ZNF577: variants seen among roughly 807,000 people sequenced by gnomAD.
The protein encoded by ZNF577 is zinc finger protein 577.
Under a neutral mutation model 13.9 loss-of-function variants are expected in ZNF577, and 14 were observed. The ratio of observed to expected loss-of-function variants is 1.00; its 90% CI spans 0.66 to 1.57. The LOEUF is 1.57. ZNF577 is among the 40% of genes most tolerant of loss of function. The probability of loss-of-function intolerance (pLI) is 0.00; values close to 1 mark genes in which losing one functional copy is unlikely to be tolerated. For missense variants in ZNF577, 555 were observed against 579.2 expected, an observed-to-expected ratio of 0.96 and a Z score of 0.43; for synonymous variants, 203 against 202.9, an observed-to-expected ratio of 1.00 and a Z score of 0.00.
At chr19:51,857,927 C>T (rs1317168051) in intron 5 of ZNF577, among the ~76,000 whole-genome samples, 1 of 152,122 alleles carries the variant, frequency 6.6e-6, no homozygotes, top group Non-Finnish European at 1.5e-5. Flanking sequence ...TCCAAAGGAT[C>T]CACCTGTAAT....
chr19:51,879,046 G>A (rs1217885949), intron 3 of ZNF577, among the ~76,000 whole-genome samples: 1 of 150,628 alleles, frequency 6.6e-6, no homozygotes, highest in South Asian at 2.1e-4. Context: ...TCACAAAGTC[G>A]GGAGATTAAG....
intron 9 of ZNF577, chr19:51,826,028 G>A (rs2084230062): frequency 6.0e-6 from 1 of 165,568 alleles, no homozygotes; most frequent in East Asian, 1.9e-4. Flanking sequence ...TTCTTTTATT[G>A]TTTAAATCAT....
intron 10 of ZNF577, among the ~76,000 whole-genome samples, chr19:51,810,990 A>G (rs1029270534): frequency 6.6e-6 from 1 of 152,214 alleles, no homozygotes; most frequent in Admixed American, 6.5e-5. Flanking sequence ...TGTTTCTGCA[A>G]CTGGAGGAGG....
chr19:51,873,773 T>C, intron 5 of ZNF577, 67 bp from the exon 6 acceptor site: 1 of 1,201,004 alleles, frequency 8.3e-7, no homozygotes, highest in Non-Finnish European at 1.1e-6. Flanking sequence ...AAAGGAACAA[T>C]GCTCTTACAT....
intron 5 of ZNF577, among the ~76,000 whole-genome samples, chr19:51,859,803 ATT>A (rs1389373671): frequency 2.0e-5 from 3 of 152,108 alleles, no homozygotes; most frequent in Non-Finnish European, 4.4e-5. Context: ...ATTATTCAAC[ATT>A]TTGTCTTATG....
chr19:51,806,959 G>A (rs527360841), intron 10 of ZNF577, among the ~76,000 whole-genome samples: 25 of 152,286 alleles, frequency 1.6e-4, no homozygotes, highest in South Asian at 1.2e-3. Flanking sequence ...AACATCGGGC[G>A]TAGCCAATTA....
At position 51,873,699 on chromosome 19, in the gene ZNF577, T is replaced by A. The variant is rs8107969; in HGVS notation, c.291A>T (p.Val97=). 642,136 of 1,597,732 alleles carry A rather than the reference T, an allele frequency of 0.4. 135,640 individuals are homozygous for A. The highest frequency in any genetic ancestry group is 0.65 in the African/African-American group (48,005 of 74,258). The change falls in exon 6 of 6, where the codon GTA becomes GTT. Residue 97 remains valine (V), a synonymous_variant. Coordinates refer to ENST00000638348, the MANE Select transcript of ZNF577 (RefSeq NM_001370449.1). ...TTCCTGCATATCTTCTACTCTGGAT[T>A]ACAAAACCTAAATGAGATTTCAAAC... The part of the protein sequence containing the change: ...AAHSQICPGF[V]IQSRRYAGKD...
intron 9 of ZNF577, among the ~76,000 whole-genome samples, chr19:51,822,511 G>A (rs2084197912): frequency 6.6e-6 from 1 of 152,182 alleles, no homozygotes; most frequent in Admixed American, 6.5e-5. Flanking sequence ...GTCAGACTAA[G>A]CTAGATTAAA....
intron 9 of ZNF577, among the ~76,000 whole-genome samples, chr19:51,816,021 T>G (rs1324465500): frequency 6.6e-6 from 1 of 151,166 alleles, no homozygotes; most frequent in African/African-American, 2.4e-5. Context: ...GAGCTGTGAC[T>G]GCACCACTAC....
chr19:51,808,523 C>G (rs1254449754), intron 10 of ZNF577, among the ~76,000 whole-genome samples: 1 of 152,202 alleles, frequency 6.6e-6, no homozygotes, highest in Admixed American at 6.5e-5. Flanking sequence ...CTACAAAATG[C>G]TGACATAGCG....
In ZNF577 at chr19:51,825,526, T is replaced by C. The variant is rs1034434451; in HGVS notation, c.*600-13852A>G. The C allele has an allele frequency of 1.8e-5, 3 of 167,078 alleles. No homozygotes were observed. The East Asian group carries it at 5.8e-4, about 32-fold the overall frequency. 10.3% of individuals were successfully genotyped at this position (167,078 alleles called of 1,614,324 possible). A position where few individuals can be genotyped will look rare whatever the true frequency, so the allele number is the denominator to read the frequency against. On this transcript the variant is annotated intron_variant and NMD_transcript_variant, in intron 9 of 10. Coordinates refer to the ZNF577 transcript ENST00000638827. ...GTAGATGAAAGGAAAGGAGAGAGAT[T>C]CTGTTTCCTGAGGCTTAATACACCC...
Position 51,824,608 on chromosome 19 carries a change from C to A in ZNF577, c.*600-12934G>T. 6.2e-7 allele frequency: 1 copy of A among 1,614,182 alleles called. No homozygotes were observed. The highest frequency in any genetic ancestry group is 8.5e-7 in the Non-Finnish European group (1 of 1,180,020). On this transcript the variant is annotated intron_variant and NMD_transcript_variant, in intron 9 of 10. Transcript: ENST00000638827. This position sits in a 1 kb window ranked among gnomAD's most constrained non-coding sequence, Gnocchi z 4.7. Reference sequence around the variant, plus strand: ...ATCATTCTTGTCCTGATTAACCCAACAAGCTCCTTGGCCTTTTTTAACAGC... The same window carrying A: ...ATCATTCTTGTCCTGATTAACCCAAAAAGCTCCTTGGCCTTTTTTAACAGC...
rs771224132 is a variant in ZNF577, at chr19:51,823,890, A to T, written c.*600-12216T>A. On this transcript the variant is annotated intron_variant and NMD_transcript_variant, in intron 9 of 10. Transcript: ENST00000638827. ...CGGGGTCCTGGGCAATGGGCTTGTG[A>T]TCTGGGTGGCTGGATTCCGGATGAC... 3.7e-6 allele frequency: 6 copies of T among 1,613,960 alleles called. No homozygotes were observed. The Admixed American group carries it at 6.7e-5, about 18-fold the overall frequency.
chr19:51,875,536 T>C (rs149222463), intron 5 of ZNF577, among the ~76,000 whole-genome samples: 97 of 152,326 alleles, frequency 6.4e-4, no homozygotes, highest in African/African-American at 2.2e-3. Flanking sequence ...ACATTATCTG[T>C]AGCATTCAAT....
At chr19:51,855,399 G>GTGTGTGTGTGTA (rs993998116) in intron 5 of ZNF577, among the ~76,000 whole-genome samples, 176 of 142,580 alleles carry the variant, frequency 1.2e-3, no homozygotes, top group African/African-American at 4.0e-3. Flanking sequence ...GTGTGTGTGT[G>GTGTGTGTGTGTA]TGTGTGTGTC....
intron 9 of ZNF577, among the ~76,000 whole-genome samples, chr19:51,838,849 T>C (rs1351845688): frequency 6.6e-6 from 1 of 151,948 alleles, no homozygotes; most frequent in Non-Finnish European, 1.5e-5. Flanking sequence ...TAATAAATAA[T>C]TGTTGTAAGG....
intron 9 of ZNF577, among the ~76,000 whole-genome samples, chr19:51,822,757 C>T (rs17761883): frequency 0.11 from 16,258 of 152,212 alleles, 1,059 homozygotes; most frequent in East Asian, 0.21. Context: ...AGATATACAA[C>T]GGATGCTAAG....
chr19:51,814,870 C>T lies in ZNF577; in HGVS notation c.*600-3196G>A, dbSNP rs560258963. Among the ~76,000 whole-genome samples the T allele has an allele frequency of 1.1e-4, 17 of 150,258 alleles. No homozygotes were observed. In the South Asian group the frequency reaches 3.4e-3, roughly 30 times the overall value. On this transcript the variant is annotated intron_variant and NMD_transcript_variant, in intron 9 of 10. Transcript: ENST00000638827. ...TGTCCCACAGGCTGGAGTGCAGTGG[C>T]GCCATCTCAGCTCACTGCAACCTCC...
At chr19:51,865,943 C>T (rs906383369), downstream of ZNF577, among the ~76,000 whole-genome samples, 4 of 151,982 alleles carry the variant, frequency 2.6e-5, no homozygotes, top group Admixed American at 6.6e-5. Context: ...GGTAAAACCC[C>T]AGCTCTACTA....
Sources: allele counts gnomAD v4.1 joint callset (sites outside exome capture counted in the v4.1 genomes callset), GRCh38; gene constraint gnomAD v4.1.1; non-coding constraint Gnocchi (gnomAD v3.1); transcripts MANE v1.5; gene names NCBI Gene and HGNC (gene_info 2026-07-23, HGNC 2026-07-21).